The following PLEKHD1 variants were observed in gnomAD, a reference collection of about 807,000 sequenced individuals.
PLEKHD1 encodes the protein pleckstrin homology domain-containing family D member 1.
PLEKHD1 carries 51 observed loss-of-function variants against 69.2 expected under a neutral mutation model. That is an observed-to-expected ratio of 0.74 (90% CI 0.59 to 0.93). The LOEUF (loss-of-function observed/expected upper bound fraction) is 0.93. Among genes scored for constraint, PLEKHD1 ranks in the 40% least tolerant of loss-of-function variants. PLEKHD1 has a pLI of 0.00. For synonymous variants in PLEKHD1, 236 were observed against 244.7 expected (o/e 0.96, Z 0.33); for missense variants, 584 against 641.0 (o/e 0.91, Z 0.96).
chr14:69,526,975 G>A (rs527746370), intron 10 of PLEKHD1, 146 bp downstream of exon 10: 1 of 1,290,484 alleles, frequency 7.7e-7, no homozygotes, highest in East Asian at 2.6e-5. Flanking sequence ...ACCACGAGGG[G>A]AAGCAGCAAG....
At position 69,528,295 on chromosome 14, in the gene PLEKHD1, A is replaced by G. The variant is rs1461151577; in HGVS notation, c.1397A>G (p.Asn466Ser). Residue 466 changes from asparagine to serine, a missense_variant, in exon 13 of 13, where the codon AAC (asparagine) becomes AGC (serine). Coordinates refer to ENST00000322564, the MANE Select transcript of PLEKHD1 (RefSeq NM_001161498.2). ...SFMTSQLDAN[N>S]MEELKEVAKR... is the part of the protein sequence containing the mutation. The stretch of plus-strand genomic sequence containing the variant: ...ATGACCTCCCAGCTGGATGCCAACA[A>G]CATGGAGGAGCTAAAGGAGGTGGCC... 1 of 1,551,722 alleles carries G rather than the reference A, an allele frequency of 6.4e-7. No individual in the cohort carries two copies.
chr14:69,527,741 G>A, intron 11 of PLEKHD1, 42 bp from the exon 12 acceptor site: 1 of 1,547,268 alleles, frequency 6.5e-7, no homozygotes, highest in South Asian at 1.2e-5. Flanking sequence ...TGGGGGTAAG[G>A]ATGCAGTCGG....
At chr14:69,469,655 C>T in the PLEKHD1 span, among the ~76,000 whole-genome samples, 3 of 152,086 alleles carry the variant, frequency 2.0e-5, no homozygotes, top group African/African-American at 7.2e-5. Context: ...AAGCAATTCT[C>T]CCGCCTCACC....
chr14:69,512,847 A>C (rs1261873881), intron 6 of PLEKHD1, among the ~76,000 whole-genome samples: 1 of 151,776 alleles, frequency 6.6e-6, no homozygotes, highest in African/African-American at 2.4e-5. Flanking sequence ...GGATTGCTTG[A>C]GGCCAGGAGT....
chr14:69,513,830 T>C (rs894213469), intron 6 of PLEKHD1, among the ~76,000 whole-genome samples: 1 of 152,224 alleles, frequency 6.6e-6, no homozygotes, highest in African/African-American at 2.4e-5. Flanking sequence ...AAAGTATTCC[T>C]CCTTCACTTT....
chr14:69,504,241 G>A (rs1295936846), intron 6 of PLEKHD1, among the ~76,000 whole-genome samples: 1 of 152,248 alleles, frequency 6.6e-6, no homozygotes, highest in African/African-American at 2.4e-5. Flanking sequence ...ACTGTCTGAG[G>A]CCTGAAGCAG....
upstream of PLEKHD1, among the ~76,000 whole-genome samples, chr14:69,479,972 C>T (rs189905921): frequency 2.6e-3 from 390 of 152,236 alleles, no homozygotes; most frequent in African/African-American, 8.8e-3. Context: ...AGAGGCTAAG[C>T]GAGGACAAAC....
chr14:69,523,534 A>G (rs868521836), intron 7 of PLEKHD1, among the ~76,000 whole-genome samples: 1 of 152,068 alleles, frequency 6.6e-6, no homozygotes, highest in African/African-American at 2.4e-5. Context: ...AGACAAGTCC[A>G]CTCCCTTGAA....
intron 6 of PLEKHD1, among the ~76,000 whole-genome samples, chr14:69,513,272 T>A (rs986368981): frequency 3.3e-5 from 5 of 149,302 alleles, no homozygotes; most frequent in Non-Finnish European, 7.4e-5. Context: ...TAAAATAAAA[T>A]AAAAAAGAGT....
intron 5 of PLEKHD1, 197 bp from the exon 6 acceptor site, chr14:69,502,630 C>G: frequency 1.6e-6 from 1 of 611,594 alleles, no homozygotes; most frequent in Non-Finnish European, 2.8e-6. Flanking sequence ...AAAGAAAAAG[C>G]AGGATGATGA....
upstream of PLEKHD1, among the ~76,000 whole-genome samples, chr14:69,480,016 A>G (rs138556010): frequency 9.8e-5 from 15 of 152,304 alleles, no homozygotes; most frequent in East Asian, 1.7e-3. Flanking sequence ...CACCCACCAC[A>G]TGCCCTGGAC....
chr14:69,486,963 C>T (rs965408573), intron 1 of PLEKHD1, among the ~76,000 whole-genome samples: 3 of 151,980 alleles, frequency 2.0e-5, no homozygotes, highest in Non-Finnish European at 4.4e-5. Flanking sequence ...CAAAGCCACC[C>T]GAAACGATGC....
intron 7 of PLEKHD1, among the ~76,000 whole-genome samples, chr14:69,523,190 C>T (rs2139529278): frequency 6.6e-6 from 1 of 152,286 alleles, no homozygotes; most frequent in South Asian, 2.1e-4. Flanking sequence ...CCTTGGCCTC[C>T]CAAAGTGTTG....
chr14:69,472,794 A>G, the PLEKHD1 span, among the ~76,000 whole-genome samples: 1 of 152,108 alleles, frequency 6.6e-6, no homozygotes, highest in Admixed American at 6.5e-5. Context: ...GGGGTCCCCA[A>G]CCCCGGGCCA....
intron 6 of PLEKHD1, among the ~76,000 whole-genome samples, chr14:69,504,272 A>G (rs10134377): frequency 1.7e-3 from 259 of 152,324 alleles, no homozygotes; most frequent in African/African-American, 6.0e-3. Flanking sequence ...TGACCAGAGC[A>G]GCCTGCAGAG....
intron 6 of PLEKHD1, among the ~76,000 whole-genome samples, chr14:69,519,668 C>T (rs1262481876): frequency 6.6e-6 from 1 of 152,170 alleles, no homozygotes; most frequent in Admixed American, 6.5e-5. Flanking sequence ...ACTTAAATGC[C>T]AGGGAGGGAA....
At chr14:69,521,911 T>C (rs1883523228) in intron 6 of PLEKHD1, among the ~76,000 whole-genome samples, 1 of 152,124 alleles carries the variant, frequency 6.6e-6, no homozygotes, top group East Asian at 1.9e-4. Context: ...CACTCACCAC[T>C]CTTTCCTCCA....
chr14:69,489,801 C>G (rs1882735515), intron 1 of PLEKHD1, among the ~76,000 whole-genome samples: 1 of 152,078 alleles, frequency 6.6e-6, no homozygotes, highest in Non-Finnish European at 1.5e-5. Context: ...AACAGGGGTA[C>G]AGCTCCAAGA....
At chr14:69,493,592 T>G (rs1882823457) in intron 1 of PLEKHD1, among the ~76,000 whole-genome samples, 1 of 152,200 alleles carries the variant, frequency 6.6e-6, no homozygotes, top group Non-Finnish European at 1.5e-5. Flanking sequence ...TTAAATAAGA[T>G]AAAGTCAATA....
Sources: gnomAD v4.1 joint callset for allele counts (sites outside exome capture counted in the v4.1 genomes callset) on GRCh38, gnomAD v4.1.1 for gene constraint, MANE v1.5 for transcripts, NCBI Gene and HGNC (gene_info 2026-07-23, HGNC 2026-07-21) for gene names.